Variants in DGLUCY observed in about 807,000 individuals in gnomAD.
DGLUCY encodes D-glutamate cyclase, also known as D-glutamate cyclase, mitochondrial.
Under a neutral mutation model 58.5 loss-of-function variants are expected in DGLUCY, and 58 were observed. The observed-to-expected ratio is 0.99, with a 90% confidence interval of 0.80 to 1.23. DGLUCY has a LOEUF of 1.23. Among genes scored for constraint, DGLUCY ranks in the 50% most tolerant of loss-of-function variants. The pLI, the probability that DGLUCY is intolerant of heterozygous loss-of-function variation, is 0.00. For missense variants in DGLUCY, 779 were observed against 784.7 expected, an observed-to-expected ratio of 0.99 and a Z score of 0.09; for synonymous variants, 325 against 314.1, an observed-to-expected ratio of 1.03 and a Z score of -0.37.
intron 1 of DGLUCY, among the ~76,000 whole-genome samples, chr14:91,124,510 T>G (rs960810995): frequency 1.3e-5 from 2 of 152,224 alleles, no homozygotes; most frequent in African/African-American, 2.4e-5. Context: ...GCATGGCTTT[T>G]TTCAACCACG....
Position 91,132,304 on chromosome 14 carries a change from C to T in DGLUCY, c.-82+18021C>T, listed in dbSNP as rs1012528847. ...TATGGGCAGGGTGTGGTACCTCACT[C>T]CTATAATTCCAGCACATTGGAAAGT... On this transcript the variant is annotated intron_variant, in intron 1 of 13. Coordinates refer to ENST00000256324, the MANE Select transcript of DGLUCY (RefSeq NM_001102368.3). Among the ~76,000 whole-genome samples, 3 of 152,136 alleles carry T rather than the reference C, an allele frequency of 2.0e-5. No individual in the cohort carries two copies. The South Asian group carries it at 6.2e-4, about 32-fold the overall frequency.
intron 7 of DGLUCY, among the ~76,000 whole-genome samples, chr14:91,178,088 G>C (rs1315574023): frequency 6.6e-6 from 1 of 152,216 alleles, no homozygotes; most frequent in African/African-American, 2.4e-5. Context: ...CAGTCCTTTA[G>C]TTCTGACAGC....
intron 1 of DGLUCY, among the ~76,000 whole-genome samples, chr14:91,118,558 TAG>T (rs2045148442): frequency 6.6e-6 from 1 of 152,220 alleles, no homozygotes; most frequent in Admixed American, 6.5e-5. Flanking sequence ...TGTCATTTGA[TAG>T]AGTCAGGTTG....
upstream of DGLUCY, among the ~76,000 whole-genome samples, chr14:91,103,742 C>G (rs375014438): frequency 4.4e-4 from 67 of 152,202 alleles, no homozygotes; most frequent in East Asian, 1.4e-3. Flanking sequence ...TTGCCATCAA[C>G]CTACAGTCCT....
chr14:91,125,373 G>A (rs547067122), intron 1 of DGLUCY, among the ~76,000 whole-genome samples: 1 of 152,178 alleles, frequency 6.6e-6, no homozygotes, highest in African/African-American at 2.4e-5. Context: ...GCAGAAAAGG[G>A]GAAGTGACTG....
intron 1 of DGLUCY, among the ~76,000 whole-genome samples, chr14:91,150,315 G>T (rs574653018): frequency 1.3e-5 from 2 of 151,880 alleles, no homozygotes; most frequent in Admixed American, 6.6e-5. Context: ...TGTGGAGCTG[G>T]AACAGGGGCC....
At chr14:91,060,593 C>T in exon 1 of DGLUCY, 1 of 1,006,038 alleles carries the variant, frequency 9.9e-7, no homozygotes. Context: ...TCTGGCCGCA[C>T]GGCTCGCTCC....
intron 9 of DGLUCY, among the ~76,000 whole-genome samples, chr14:91,195,437 A>G (rs2050142433): frequency 1.3e-5 from 2 of 152,134 alleles, no homozygotes; most frequent in African/African-American, 2.4e-5. Context: ...CACTTTTGGA[A>G]ATCACTCCAA....
intron 9 of DGLUCY, among the ~76,000 whole-genome samples, chr14:91,189,978 C>CTTTT (rs55652724): frequency 6.2e-5 from 5 of 81,004 alleles, no homozygotes; most frequent in Non-Finnish European, 7.0e-5. Flanking sequence ...CTGTTAGGTT[C>CTTTT]TTTTTTTTTT....
At chr14:91,088,044 G>A (rs375196304) in intron 1 of DGLUCY, among the ~76,000 whole-genome samples, 1 of 152,120 alleles carries the variant, frequency 6.6e-6, no homozygotes, top group Non-Finnish European at 1.5e-5. Context: ...TCTCCAAGGA[G>A]GAGGAGGAGC....
At chr14:91,070,610 C>T (rs1471297553) in intron 1 of DGLUCY, among the ~76,000 whole-genome samples, 4 of 151,906 alleles carry the variant, frequency 2.6e-5, no homozygotes, top group Non-Finnish European at 4.4e-5. Flanking sequence ...AGTGGCAAAT[C>T]TCAAGAAAAG....
chr14:91,184,830 C>T (rs1348751342), intron 8 of DGLUCY, among the ~76,000 whole-genome samples: 1 of 152,162 alleles, frequency 6.6e-6, no homozygotes, highest in African/African-American at 2.4e-5. Context: ...TTCATTAGTT[C>T]ATTCTGTAGA....
chr14:91,188,349 C>G (rs2049651632), intron 8 of DGLUCY, among the ~76,000 whole-genome samples: 1 of 152,120 alleles, frequency 6.6e-6, no homozygotes, highest in South Asian at 2.1e-4. Context: ...ATCTCGCGGC[C>G]ACACCAGACT....
At chr14:91,160,594 G>A (rs974389614) in intron 3 of DGLUCY, among the ~76,000 whole-genome samples, 197 bp downstream of exon 3, 3 of 152,086 alleles carry the variant, frequency 2.0e-5, no homozygotes, top group Admixed American at 6.6e-5. Flanking sequence ...TTAGACTCAA[G>A]GTATGGAAAC....
intron 10 of DGLUCY, 59 bp from the exon 11 acceptor site, chr14:91,199,698 C>T: frequency 6.3e-7 from 1 of 1,581,632 alleles, no homozygotes; most frequent in Non-Finnish European, 8.6e-7. Context: ...AGGCATGACC[C>T]AGCAAAGCAG....
intron 1 of DGLUCY, among the ~76,000 whole-genome samples, chr14:91,127,142 A>G: frequency 7.1e-6 from 1 of 141,410 alleles, no homozygotes; most frequent in East Asian, 2.0e-4. Flanking sequence ...CTACAGCCTC[A>G]ACCTCCCAAT....
intron 4 of DGLUCY, 122 bp from the exon 5 acceptor site, chr14:91,169,881 T>A: frequency 1.0e-6 from 1 of 1,003,790 alleles, no homozygotes; most frequent in Non-Finnish European, 1.5e-6. Flanking sequence ...CCTACCCTGG[T>A]GCCAGGGCTG....
At chr14:91,175,131 A>G (rs376508401) in intron 6 of DGLUCY, among the ~76,000 whole-genome samples, 2 of 152,246 alleles carry the variant, frequency 1.3e-5, no homozygotes, top group South Asian at 2.1e-4. Context: ...GCAACGTCTA[A>G]TCTGGGCTGC....
At chr14:91,164,860 T>G (rs1195205379) in intron 3 of DGLUCY, among the ~76,000 whole-genome samples, 1 of 152,208 alleles carries the variant, frequency 6.6e-6, no homozygotes, top group Non-Finnish European at 1.5e-5. Flanking sequence ...CTATGTTTGC[T>G]CAAGGCCATG....
Sources: allele counts gnomAD v4.1 joint callset (sites outside exome capture counted in the v4.1 genomes callset), GRCh38; gene constraint gnomAD v4.1.1; transcripts MANE v1.5; gene names NCBI Gene and HGNC (gene_info 2026-07-23, HGNC 2026-07-21).